Variants in RIPK4 observed in about 807,000 individuals in gnomAD.
The protein encoded by RIPK4 is receptor interacting serine/threonine kinase 4.
RIPK4 carries 17 observed loss-of-function variants against 42.9 expected under a neutral mutation model. The observed-to-expected ratio is 0.40, with a 90% CI of 0.27 to 0.59. The LOEUF is 0.59. RIPK4 is among the 20% of genes least tolerant of loss of function. The probability of loss-of-function intolerance (pLI) is 0.47; values close to 1 mark genes in which losing one functional copy is unlikely to be tolerated. For missense variants in RIPK4, 897 were observed against 1,104.4 expected, an observed-to-expected ratio of 0.81 and a Z score of 2.66; for synonymous variants, 498 against 499.1, an observed-to-expected ratio of 1.00 and a Z score of 0.03.
intron 1 of RIPK4, among the ~76,000 whole-genome samples, chr21:41,757,138 C>T (rs1355116404): frequency 1.3e-5 from 2 of 152,156 alleles, no homozygotes; most frequent in East Asian, 1.9e-4. Context: ...TGAGCCAAGG[C>T]TTGGGGGTCT....
intron 1 of RIPK4, among the ~76,000 whole-genome samples, chr21:41,758,895 T>C (rs146822670): frequency 3.3e-5 from 5 of 152,326 alleles, no homozygotes; most frequent in Non-Finnish European, 5.9e-5. Context: ...ATGGTCTGTA[T>C]TGGCATCATG....
At chr21:41,766,625 G>A (rs1321419697) in intron 1 of RIPK4, among the ~76,000 whole-genome samples, 1 of 152,130 alleles carries the variant, frequency 6.6e-6, no homozygotes, top group African/African-American at 2.4e-5. Flanking sequence ...CGCCTGACCC[G>A]GCCCCGACGT....
chr21:41,765,804 G>C (rs1475559416), intron 1 of RIPK4, among the ~76,000 whole-genome samples: 2 of 152,246 alleles, frequency 1.3e-5, no homozygotes, highest in African/African-American at 4.8e-5. Context: ...CTTCATTAAA[G>C]GATAAATAAT....
In RIPK4 at chr21:41,753,272, GAAAGA is replaced by G. The variant is rs780485250; in HGVS notation, c.475-2032_475-2028del. Among the ~76,000 whole-genome samples the G allele has an allele frequency of 8.3e-5, 12 of 144,650 alleles. 1 individual carries two copies. The highest frequency in any genetic ancestry group is 9.1e-5 in the Non-Finnish European group (6 of 65,786). 94.9% of individuals were successfully genotyped at this position (144,650 alleles called of 152,430 possible). A position where few individuals can be genotyped will look rare whatever the true frequency, so the allele number is the denominator to read the frequency against. On this transcript the variant is annotated intron_variant, in intron 2 of 7. Coordinates refer to ENST00000332512, the MANE Select transcript of RIPK4 (RefSeq NM_020639.3). ...ATTAAATGACATCTGAGATCATTAA[GAAAGA>G]AAAGAAAAGAAAAGAAAAACGACAG...
chr21:41,762,132 C>T (rs986206901), intron 1 of RIPK4, among the ~76,000 whole-genome samples: 3 of 152,238 alleles, frequency 2.0e-5, no homozygotes, highest in African/African-American at 7.2e-5. Context: ...CGACTTCCCC[C>T]TTCCATGGGC....
In RIPK4 at chr21:41,740,951, C is replaced by T. The variant is rs558495602; in HGVS notation, c.2242G>A (p.Ala748Thr). ...CTGAGCAGAGTCTCCACCGTCTGTG[C>T]GTGCCGGCCCTGGGCGGCCAGGTGC... Reference protein sequence around the residue: ...ALHLAAQGRHAQTVETLLRHG... With the variant: ...ALHLAAQGRHTQTVETLLRHG... Residue 748 changes from alanine to threonine, a missense_variant, in exon 8 of 8, where the codon GCA becomes ACA. By Grantham distance (58) the Ala-to-Thr change is moderately conservative. Coordinates refer to ENST00000332512, the MANE Select transcript of RIPK4 (RefSeq NM_020639.3). The T allele has an allele frequency of 1.8e-5, 29 of 1,612,430 alleles. No homozygotes were observed. The highest frequency in any genetic ancestry group is 1.7e-4 in the African/African-American group (13 of 75,056).
chr21:41,746,959 G>A lies in RIPK4; in HGVS notation c.674-188C>T, dbSNP rs147290898. The A allele has an allele frequency of 1.8e-3, 1,111 of 618,252 alleles. 4 individuals carry two copies. Among genetic ancestry groups the A allele is most frequent in the Non-Finnish European group, 1.6e-3 (596 of 366,796 alleles). 38.3% of individuals were successfully genotyped at this position (618,252 alleles called of 1,614,324 possible). On this transcript the variant is annotated intron_variant, in intron 4 of 7. Transcript: ENST00000332512. ...AACCCTCACCCTCATGGTGCGCCAT[G>A]CTCTCTAGTTTCCTGGTTTTGAAAT...
At chr21:41,766,328 T>C (rs554220605) in intron 1 of RIPK4, among the ~76,000 whole-genome samples, 2 of 152,168 alleles carry the variant, frequency 1.3e-5, no homozygotes, top group Non-Finnish European at 1.5e-5. Context: ...TTACACCAAT[T>C]TGTGTTCCAA....
chr21:41,765,889 G>A (rs1162781509), intron 1 of RIPK4, among the ~76,000 whole-genome samples: 1 of 152,214 alleles, frequency 6.6e-6, no homozygotes, highest in Admixed American at 6.5e-5. Context: ...CAACAACAAA[G>A]AGGTACTGTT....
chr21:41,740,763 A>T lies in RIPK4; in HGVS notation c.*75T>A. On this transcript the variant is annotated 3_prime_UTR_variant, in exon 8 of 8. Transcript: ENST00000332512. ...AAGCCACAACAGGGCCCCACGCAGG[A>T]TCGTTCCATCCCCACGAGGAACACA... 7.0e-7 allele frequency: 1 copy of T among 1,438,798 alleles called. No homozygotes were observed. The highest frequency in any genetic ancestry group is 9.3e-7 in the Non-Finnish European group (1 of 1,077,114). The allele number at this position is 1,438,798 out of a possible 1,614,324, so 89.1% of individuals were successfully genotyped here. A position where few individuals can be genotyped will look rare whatever the true frequency, so the allele number is the denominator to read the frequency against.
At chr21:41,760,115 C>G (rs987923757) in intron 1 of RIPK4, among the ~76,000 whole-genome samples, 4 of 152,240 alleles carry the variant, frequency 2.6e-5, no homozygotes, top group Admixed American at 6.5e-5. Flanking sequence ...CTAAGAATTA[C>G]TCAGCCCCAA....
chr21:41,742,754 C>T lies in RIPK4; in HGVS notation c.1196-757G>A, dbSNP rs1371707334. The stretch of plus-strand genomic sequence containing the variant: ...CAGGCTTGGTGTCTGAACACTGGCA[C>T]TCCAAGTGGAGCCAGTGAAGTAATT... On this transcript the variant is annotated intron_variant, in intron 7 of 7. Transcript: ENST00000332512. The surrounding 1 kb of genome is among the most constrained non-coding windows in gnomAD (Gnocchi z 5.1). Among the ~76,000 whole-genome samples, 2 of 152,182 alleles carry T rather than the reference C, an allele frequency of 1.3e-5. No homozygotes were observed. Among genetic ancestry groups the T allele is most frequent in the East Asian group, 1.9e-4 (1 of 5,198 alleles).
chr21:41,760,739 C>A (rs939273806), intron 1 of RIPK4, among the ~76,000 whole-genome samples: 2 of 152,032 alleles, frequency 1.3e-5, no homozygotes, highest in Admixed American at 6.6e-5. Flanking sequence ...CGCGGGAGCA[C>A]CCCAGGAGGA....
chr21:41,759,517 G>A (rs1017275546), intron 1 of RIPK4, among the ~76,000 whole-genome samples: 3 of 152,202 alleles, frequency 2.0e-5, no homozygotes, highest in Admixed American at 1.3e-4. Flanking sequence ...ACGCAAGGCA[G>A]CTGGCTGGGG....
intron 3 of RIPK4, among the ~76,000 whole-genome samples, chr21:41,749,647 G>A (rs775362857): frequency 1.3e-5 from 2 of 152,172 alleles, no homozygotes; most frequent in Non-Finnish European, 2.9e-5. Context: ...CTGAAAACAC[G>A]GATTCTGGTT....
In RIPK4 at chr21:41,767,047, A is replaced by G. The variant is rs1006478324; in HGVS notation, c.-6T>C. ...GTCCCGCCGTCGCCCTCCATCGCGC[A>G]CGTCTAGCCAGCGCCGCGGCGGCTG... On this transcript the variant is annotated 5_prime_UTR_variant, in exon 1 of 8. Coordinates refer to ENST00000332512, the MANE Select transcript of RIPK4 (RefSeq NM_020639.3). The surrounding 1 kb of genome is among the most constrained non-coding windows in gnomAD (Gnocchi z 4.0). The G allele has an allele frequency of 9.1e-6, 14 of 1,541,452 alleles. No individual in the cohort carries two copies. Among genetic ancestry groups the G allele is most frequent in the Non-Finnish European group, 1.2e-5 (14 of 1,150,686 alleles).
intron 1 of RIPK4, among the ~76,000 whole-genome samples, chr21:41,764,028 C>T (rs757088729): frequency 1.3e-5 from 2 of 152,204 alleles, no homozygotes; most frequent in Non-Finnish European, 2.9e-5. Flanking sequence ...CCCCACAGGA[C>T]CCTCCGAGGC....
At chr21:41,746,047 C>T (rs759346743) in intron 5 of RIPK4, 185 bp from the exon 6 acceptor site, 18 of 720,448 alleles carry the variant, frequency 2.5e-5, no homozygotes, top group East Asian at 7.9e-5. Context: ...GCCCCCCCAT[C>T]GGTAATCATT....
Position 41,740,911 on chromosome 21 carries a change from A to T in RIPK4, c.2282T>A (p.Ile761Asn), listed in dbSNP as rs2061150648. ...VETLLRHGAH[I>N]NLQSLKFQGG... ...CTGGAACTTGAGGCTCTGCAGGTTGATGTGGGCCCCATGCCTGAGCAGAGT... is the reference window on the plus strand; with the variant it reads ...CTGGAACTTGAGGCTCTGCAGGTTGTTGTGGGCCCCATGCCTGAGCAGAGT... Residue 761 changes from isoleucine (I) to asparagine (N), a missense_variant, in exon 8 of 8, where the codon ATC becomes AAC. Coordinates refer to ENST00000332512, the MANE Select transcript of RIPK4 (RefSeq NM_020639.3). The T allele has an allele frequency of 6.8e-6, 11 of 1,612,468 alleles. No individual in the cohort carries two copies. In the East Asian group the frequency reaches 2.5e-4, roughly 36 times the overall value.
Sources: gnomAD v4.1 joint callset for allele counts (sites outside exome capture counted in the v4.1 genomes callset) on GRCh38, gnomAD v4.1.1 for gene constraint, Gnocchi (gnomAD v3.1) non-coding constraint, MANE v1.5 for transcripts, NCBI Gene and HGNC (gene_info 2026-07-23, HGNC 2026-07-21) for gene names.